ARID1A: variants seen among roughly 807,000 people sequenced by gnomAD.
ARID1A encodes AT-rich interactive domain-containing protein 1A.
Under a neutral mutation model 212.6 loss-of-function variants are expected in ARID1A, and 20 were observed. The observed-to-expected ratio is 0.09, with a 90% CI of 0.07 to 0.14. The LOEUF is 0.14. Ranked by LOEUF, ARID1A falls within the 10% of genes least tolerant of loss-of-function variation. The pLI is 1.00. For synonymous variants in ARID1A, 1,376 were observed against 1,222.1 expected (o/e 1.13, Z -2.63); for missense variants, 2,587 against 3,059.0 (o/e 0.85, Z 3.64).
chr1:26,740,668 A>G (rs893280783), intron 4 of ARID1A, among the ~76,000 whole-genome samples: 1 of 151,854 alleles, frequency 6.6e-6, no homozygotes, highest in Non-Finnish European at 1.5e-5. Context: ...TGGGGCAATC[A>G]TGTGATAAAA....
At chr1:26,756,507 G>T (rs2124038192) in intron 4 of ARID1A, among the ~76,000 whole-genome samples, 1 of 149,988 alleles carries the variant, frequency 6.7e-6, no homozygotes, top group African/African-American at 2.4e-5. Context: ...AGTGAGCCAA[G>T]ATTATACCAC....
At position 26,773,690 on chromosome 1, in the gene ARID1A, CGCAGCA is replaced by C. The variant is rs374564889; in HGVS notation, c.3996_4001del (p.Gln1333_Gln1334del). The C allele has an allele frequency of 1.1e-5, 17 of 1,613,212 alleles. No individual in the cohort carries two copies. Among genetic ancestry groups the C allele is most frequent in the African/African-American group, 5.3e-5 (4 of 74,830 alleles). On this transcript the variant is annotated inframe_deletion, in exon 16 of 20. Transcript: ENST00000324856. ...ATGTATTCTCCTAGCCGCTACCCCCCGCAGCAGCAGCAGCAGCAGCAGCAACGGTGA... is the reference window on the plus strand; with the variant it reads ...ATGTATTCTCCTAGCCGCTACCCCCCGCAGCAGCAGCAGCAGCAACGGTGA...
intron 1 of ARID1A, among the ~76,000 whole-genome samples, chr1:26,708,937 C>T (rs529639039): frequency 9.1e-4 from 138 of 152,018 alleles, no homozygotes; most frequent in African/African-American, 2.9e-3. Context: ...TCTCGTGATC[C>T]GCCCGCTTCG....
In ARID1A at chr1:26,766,074, A is replaced by C. The variant is rs1396789692; in HGVS notation, c.2733-147A>C. 4.7e-6 allele frequency: 4 copies of C among 844,086 alleles called. No homozygotes were observed. The Admixed American group carries it at 1.2e-4, about 26-fold the overall frequency. 52.3% of individuals were successfully genotyped at this position (844,086 alleles called of 1,614,324 possible). A position where few individuals can be genotyped will look rare whatever the true frequency, so the allele number is the denominator to read the frequency against. Reference sequence around the variant, plus strand: ...TAAATTAAAGAAAAATAATATCTGGATGTTGCATAGTTCTAGTTTTGGGGA... The same window carrying C: ...TAAATTAAAGAAAAATAATATCTGGCTGTTGCATAGTTCTAGTTTTGGGGA... On this transcript the variant is annotated intron_variant, in intron 8 of 19. Coordinates refer to ENST00000324856, the MANE Select transcript of ARID1A (RefSeq NM_006015.6).
At chr1:26,738,927 T>C (rs1272467222) in intron 4 of ARID1A, among the ~76,000 whole-genome samples, 1 of 145,256 alleles carries the variant, frequency 6.9e-6, no homozygotes, top group African/African-American at 2.6e-5. Flanking sequence ...GCTGGAGGGC[T>C]GGAGTGCTGG....
intron 1 of ARID1A, among the ~76,000 whole-genome samples, chr1:26,701,980 C>CT (rs1370424481): frequency 6.6e-6 from 1 of 152,090 alleles, no homozygotes; most frequent in Non-Finnish European, 1.5e-5. Flanking sequence ...CCCCAGGAGG[C>CT]TTTTGCACTT....
intron 1 of ARID1A, among the ~76,000 whole-genome samples, chr1:26,699,654 A>G (rs2080313330): frequency 6.6e-6 from 1 of 152,174 alleles, no homozygotes; most frequent in African/African-American, 2.4e-5. Flanking sequence ...AAAAGACAGC[A>G]TCCTCTTGTC....
At chr1:26,762,774 G>A (rs934964461) in intron 7 of ARID1A, among the ~76,000 whole-genome samples, 199 bp from the exon 8 acceptor site, 5 of 152,332 alleles carry the variant, frequency 3.3e-5, no homozygotes, top group Non-Finnish European at 7.3e-5. Context: ...CTGTGTGGCA[G>A]CAAAGCCAGC....
chr1:26,771,264 C>A lies in ARID1A; in HGVS notation c.3344C>A (p.Pro1115Gln), dbSNP rs766039070. 3 of 1,614,200 alleles carry A rather than the reference C, an allele frequency of 1.9e-6. No individual in the cohort carries two copies. The highest frequency in any genetic ancestry group is 1.1e-5 in the South Asian group (1 of 91,086). ...CKIERGEDPP[P>Q]DIFAAADSKK... ...ATTGAACGGGGAGAAGACCCTCCCC[C>A]AGACATCTTTGCAGCTGCTGATTCC... The change falls in exon 12 of 20, where the codon CCA becomes CAA. Residue 1115 changes from proline (P) to glutamine (Q), a missense_variant. Around this residue, in one of 11 missense-constraint regions of ARID1A, gnomAD observed 890 missense variants for 1,098.2 expected, o/e 0.81. Coordinates refer to ENST00000324856, the MANE Select transcript of ARID1A (RefSeq NM_006015.6). This position sits in a 1 kb window ranked among gnomAD's most constrained non-coding sequence, Gnocchi z 5.4.
chr1:26,744,109 A>C (rs1368006678), intron 4 of ARID1A, among the ~76,000 whole-genome samples: 1 of 152,110 alleles, frequency 6.6e-6, no homozygotes, highest in African/African-American at 2.4e-5. Context: ...CCAGACTGCT[A>C]AGAGCAGCAT....
At chr1:26,706,743 A>G (rs1412460455) in intron 1 of ARID1A, among the ~76,000 whole-genome samples, 1 of 152,082 alleles carries the variant, frequency 6.6e-6, no homozygotes, top group Non-Finnish European at 1.5e-5. Flanking sequence ...AATGCTGGGA[A>G]TTGGTTTATT....
chr1:26,697,306 G>T lies in ARID1A; in HGVS notation c.903G>T (p.Ser301=). 2 of 1,347,080 alleles carry T rather than the reference G, an allele frequency of 1.5e-6. No homozygotes were observed. The highest frequency in any genetic ancestry group is 1.5e-5 in the African/African-American group (1 of 65,564). 83.4% of individuals were successfully genotyped at this position (1,347,080 alleles called of 1,614,324 possible). ...CCACCCTCAACCAACTGCTCACGTC[G>T]CCCAGCTCGGCCCGGGGCTACCAGG... ...ATPTLNQLLT[S]PSSARGYQGY... Residue 301 remains serine, a synonymous_variant, in exon 1 of 20, where the codon TCG becomes TCT. Transcript: ENST00000324856.
chr1:26,751,126 G>C (rs1287493559), intron 4 of ARID1A, among the ~76,000 whole-genome samples: 2 of 151,932 alleles, frequency 1.3e-5, no homozygotes, highest in Admixed American at 1.3e-4. Context: ...GTGGTGGCGA[G>C]GGTCTGTAAT....
intron 13 of ARID1A, 80 bp from the exon 14 acceptor site, chr1:26,772,728 CCCAG>C: frequency 6.2e-7 from 1 of 1,606,500 alleles, no homozygotes; most frequent in South Asian, 1.1e-5. Flanking sequence ...CCTCTGCCTT[CCCAG>C]CCAGTGACTC....
In ARID1A at chr1:26,696,988, C is replaced by T. The variant is rs2080271270; in HGVS notation, c.585C>T (p.Tyr195=). The T allele has an allele frequency of 3.3e-6, 5 of 1,511,912 alleles. No individual in the cohort carries two copies. Among genetic ancestry groups the T allele is most frequent in the Admixed American group, 2.3e-5 (1 of 44,224 alleles). The allele number at this position is 1,511,912 out of a possible 1,614,324, so 93.7% of individuals were successfully genotyped here. A position where few individuals can be genotyped will look rare whatever the true frequency, so the allele number is the denominator to read the frequency against. The part of the protein sequence containing the change: ...QSGGGGGLEP[Y]AGPQQNSHDH... ...GCGGCGGCGGGGGCCTGGAGCCCTA[C>T]GCGGGGCCCCAGCAGAACTCTCACG... The change falls in exon 1 of 20, where the codon TAC becomes TAT. Residue 195 remains tyrosine (Y), a synonymous_variant. Coordinates refer to ENST00000324856, the MANE Select transcript of ARID1A (RefSeq NM_006015.6).
chr1:26,770,898 C>G, intron 11 of ARID1A: 1 of 569,172 alleles, frequency 1.8e-6, no homozygotes, highest in East Asian at 2.9e-5. Context: ...TGAATAAGCA[C>G]AGTCTGATAG....
At chr1:26,710,897 T>G (rs1048699672) in intron 1 of ARID1A, among the ~76,000 whole-genome samples, 18 of 152,208 alleles carry the variant, frequency 1.2e-4, no homozygotes, top group Admixed American at 8.5e-4. Context: ...TGTGTTAGTT[T>G]GCTTGGACTG....
chr1:26,716,663 C>A (rs12566826), intron 1 of ARID1A, among the ~76,000 whole-genome samples: 2,982 of 152,220 alleles, frequency 0.02, 187 homozygotes, highest in Admixed American at 0.12. Flanking sequence ...TGGAGTCTTA[C>A]TCTGTCACTC....
intron 19 of ARID1A, among the ~76,000 whole-genome samples, chr1:26,776,672 C>G (rs570483073): frequency 6.6e-6 from 1 of 152,314 alleles, no homozygotes; most frequent in East Asian, 1.9e-4. Flanking sequence ...TCATCCTACT[C>G]TTTTTCTTTT....
Sources: gnomAD v4.1 joint callset for allele counts (sites outside exome capture counted in the v4.1 genomes callset) on GRCh38, gnomAD v4.1.1 for gene constraint, gnomAD v4.1.1 regional missense constraint, Gnocchi (gnomAD v3.1) non-coding constraint, MANE v1.5 for transcripts, NCBI Gene and HGNC (gene_info 2026-07-23, HGNC 2026-07-21) for gene names.